The following STT3B variants were observed in gnomAD, a reference collection of about 807,000 sequenced individuals.
STT3B encodes STT3 oligosaccharyltransferase complex catalytic subunit B.
Under a neutral mutation model 96.8 loss-of-function variants are expected in STT3B, and 29 were observed. The ratio of observed to expected loss-of-function variants is 0.30; its 90% CI spans 0.22 to 0.41. STT3B has a LOEUF of 0.41. STT3B is among the 10% of genes least tolerant of loss of function. STT3B has a pLI of 1.00. For missense variants in STT3B, 640 were observed against 1,022.3 expected (o/e 0.63, Z 5.10); for synonymous variants, 367 against 360.0 (o/e 1.02, Z -0.22).
intron 3 of STT3B, 93 bp from the exon 4 acceptor site, chr3:31,596,705 T>G: frequency 2.2e-6 from 2 of 928,004 alleles, no homozygotes; most frequent in Non-Finnish European, 3.4e-6. Flanking sequence ...CCTTGACTTT[T>G]TGTAGCCTGT....
intron 1 of STT3B, 57 bp downstream of exon 1, chr3:31,533,369 C>T: frequency 2.2e-6 from 3 of 1,389,962 alleles, no homozygotes; most frequent in Non-Finnish European, 2.8e-6. Flanking sequence ...GGGACCCGCT[C>T]CTCCGCCCGC....
chr3:31,611,550 A>T (rs1424756567), intron 5 of STT3B, among the ~76,000 whole-genome samples: 1 of 152,120 alleles, frequency 6.6e-6, no homozygotes, highest in East Asian at 1.9e-4. Flanking sequence ...CCCAGGCTGG[A>T]GTGCAGTGCG....
rs1451482214 is a variant in STT3B, at chr3:31,625,096, A to T, written c.1899+11A>T. 7.5e-6 allele frequency: 12 copies of T among 1,606,380 alleles called. No individual in the cohort carries two copies. Among genetic ancestry groups the T allele is most frequent in the Non-Finnish European group, 1.0e-5 (12 of 1,176,336 alleles). ...AGCCACATAGCACTGGTAAGGATTT[A>T]CTAAATACAAGGTTAAAAAATCTTT... On this transcript the variant is annotated intron_variant, in intron 12 of 15. Transcript: ENST00000295770.
chr3:31,628,307 A>G (rs1699579033), intron 13 of STT3B, among the ~76,000 whole-genome samples: 1 of 152,018 alleles, frequency 6.6e-6, no homozygotes, highest in Admixed American at 6.6e-5. Flanking sequence ...TACCCTGTTC[A>G]CTTCATAATA....
At position 31,536,555 on chromosome 3, in the gene STT3B, A is replaced by G. The variant is rs1575401485; in HGVS notation, c.314+3243A>G. On this transcript the variant is annotated intron_variant, in intron 1 of 15. Coordinates refer to ENST00000295770, the MANE Select transcript of STT3B (RefSeq NM_178862.3). ...CAGTAGTTCTTAAATTGTGTAAAAGACTCAAGTTAGCTGCTGAAAGTGACG... is the reference window on the plus strand; with the variant it reads ...CAGTAGTTCTTAAATTGTGTAAAAGGCTCAAGTTAGCTGCTGAAAGTGACG... Among the ~76,000 whole-genome samples the G allele has an allele frequency of 2.6e-5, 4 of 152,284 alleles. No individual in the cohort carries two copies. In the South Asian group the frequency reaches 8.3e-4, roughly 32 times the overall value.
chr3:31,630,537 G>A (rs1265037032), intron 14 of STT3B, among the ~76,000 whole-genome samples: 1 of 152,136 alleles, frequency 6.6e-6, no homozygotes, highest in African/African-American at 2.4e-5. Context: ...TGCGCCGAAC[G>A]TCTTAATAAA....
At chr3:31,579,170 C>G (rs1698325007) in intron 2 of STT3B, among the ~76,000 whole-genome samples, 8 of 151,844 alleles carry the variant, frequency 5.3e-5, no homozygotes, top group Admixed American at 5.3e-4. Context: ...TCCCTTTTAT[C>G]CCTAAGTACT....
At chr3:31,592,725 A>T (rs1698693528) in intron 3 of STT3B, among the ~76,000 whole-genome samples, 1 of 152,154 alleles carries the variant, frequency 6.6e-6, no homozygotes, top group Non-Finnish European at 1.5e-5. Flanking sequence ...CCATTTGTAA[A>T]GGCCTACACC....
At chr3:31,579,719 TA>T in intron 2 of STT3B, 89 bp from the exon 3 acceptor site, 2 of 980,470 alleles carry the variant, frequency 2.0e-6, no homozygotes, top group Non-Finnish European at 2.8e-6. Context: ...TTATGTAAGG[TA>T]AACAAAATGT....
chr3:31,615,784 A>G (rs1699293789), intron 6 of STT3B, among the ~76,000 whole-genome samples: 1 of 151,938 alleles, frequency 6.6e-6, no homozygotes, highest in African/African-American at 2.4e-5. Flanking sequence ...TTACTTAACC[A>G]TTGTAAAATG....
intron 3 of STT3B, among the ~76,000 whole-genome samples, chr3:31,584,923 A>G (rs1011313252): frequency 1.3e-5 from 2 of 152,148 alleles, no homozygotes; most frequent in African/African-American, 2.4e-5. Flanking sequence ...ACTAATTGAA[A>G]GTGGAAATAA....
chr3:31,613,174 CTGAATT>C (rs140513208), intron 5 of STT3B, among the ~76,000 whole-genome samples: 47 of 152,150 alleles, frequency 3.1e-4, no homozygotes, highest in African/African-American at 1.1e-3. Context: ...CTCAATATCC[CTGAATT>C]TGTTCTCTTT....
At chr3:31,619,542 C>G in intron 8 of STT3B, 134 bp from the exon 9 acceptor site, 1 of 702,222 alleles carries the variant, frequency 1.4e-6, no homozygotes, top group South Asian at 2.0e-5. Flanking sequence ...TAACTGGTTA[C>G]CTTGGAAGGT....
intron 1 of STT3B, among the ~76,000 whole-genome samples, chr3:31,534,238 C>A (rs970949568): frequency 6.6e-6 from 1 of 152,142 alleles, no homozygotes; most frequent in Non-Finnish European, 1.5e-5. Flanking sequence ...ATTGTAATAC[C>A]GAAGTTGCAC....
chr3:31,538,016 G>T (rs933890417), intron 1 of STT3B, among the ~76,000 whole-genome samples: 55 of 152,048 alleles, frequency 3.6e-4, no homozygotes, highest in African/African-American at 1.1e-3. Context: ...AAATACTGCA[G>T]TTAACTTGAA....
intron 1 of STT3B, among the ~76,000 whole-genome samples, chr3:31,548,244 T>C (rs577727292): frequency 6.6e-6 from 1 of 152,288 alleles, no homozygotes; most frequent in East Asian, 1.9e-4. Flanking sequence ...ATAATGTTAC[T>C]GTGATAAAGT....
chr3:31,536,653 G>A (rs778069150), intron 1 of STT3B, among the ~76,000 whole-genome samples: 19 of 152,212 alleles, frequency 1.2e-4, no homozygotes, highest in Non-Finnish European at 1.9e-4. Context: ...AAGGGGTGAT[G>A]TGTGATTTAT....
Position 31,547,704 on chromosome 3 carries a change from C to T in STT3B, c.314+14392C>T, listed in dbSNP as rs1180886565. Among the ~76,000 whole-genome samples, 4 of 152,208 alleles carry T rather than the reference C, an allele frequency of 2.6e-5. No homozygotes were observed. In the East Asian group the frequency reaches 7.7e-4, roughly 29 times the overall value. On this transcript the variant is annotated intron_variant, in intron 1 of 15. Transcript: ENST00000295770. ...TCAGTTGGTTTAAACTGAAATGCCA[C>T]AGAACAATTCTGAATTCCAAAATGC...
At chr3:31,632,507 T>C (rs1054108055) in intron 14 of STT3B, among the ~76,000 whole-genome samples, 2 of 151,642 alleles carry the variant, frequency 1.3e-5, no homozygotes, top group Admixed American at 6.6e-5. Context: ...CTGAAGGGGG[T>C]GGTAAAGGAG....
Sources: allele counts gnomAD v4.1 joint callset (sites outside exome capture counted in the v4.1 genomes callset), GRCh38; gene constraint gnomAD v4.1.1; transcripts MANE v1.5; gene names NCBI Gene and HGNC (gene_info 2026-07-23, HGNC 2026-07-21).